The following UVSSA variants were observed in gnomAD, a reference collection of about 807,000 sequenced individuals.
UVSSA encodes the protein UV stimulated scaffold protein A.
In UVSSA, 72 loss-of-function variants were observed where a neutral mutation model predicts 73.9. That is an observed-to-expected ratio of 0.97 (90% CI 0.81 to 1.19). The LOEUF is 1.19. Ranked by LOEUF, UVSSA falls within the 50% of genes most tolerant of loss-of-function variation. The pLI, the probability that UVSSA is intolerant of heterozygous loss-of-function variation, is 0.00. For missense variants in UVSSA, 1,150 were observed against 965.0 expected (o/e 1.19, Z -2.54); for synonymous variants, 454 against 391.3 (o/e 1.16, Z -1.89).
In UVSSA at chr4:1,394,395, TG is replaced by T. The variant is rs1720471574; in HGVS notation, c.*8437del. 7 of 1,503,688 alleles carry T rather than the reference TG, an allele frequency of 4.7e-6. No homozygotes were observed. The South Asian group carries it at 8.7e-5, about 19-fold the overall frequency. The allele number at this position is 1,503,688 out of a possible 1,614,324, so 93.1% of individuals were successfully genotyped here. On this transcript the variant is annotated 3_prime_UTR_variant, in exon 14 of 14. Transcript: ENST00000511216. ...TCCATGTTTTCTTCTAGTACTTTTA[TG>T]GGTTTCATTTTCATATTGAAATCAT...
intron 8 of UVSSA, 94 bp downstream of exon 8, chr4:1,366,525 G>A (rs1163822014): frequency 5.6e-6 from 5 of 888,636 alleles, no homozygotes; most frequent in East Asian, 2.6e-5. Flanking sequence ...GGCAGGGCCT[G>A]GAGCCCATCT....
rs752339271 is a variant in UVSSA at position 1,394,646 on chromosome 4, C to T, written c.*8685C>T. ...CATGTCGATGCGGAGTGCCCGCCTG[C>T]TCACACATGCCCATGTGGAGTGCCC... is the stretch of plus-strand genomic sequence containing the variant. On this transcript the variant is annotated 3_prime_UTR_variant, in exon 14 of 14. Coordinates refer to the UVSSA transcript ENST00000511216. The T allele has an allele frequency of 3.8e-5, 58 of 1,518,358 alleles. 1 individual carries two copies. The highest frequency in any genetic ancestry group is 5.1e-5 in the Non-Finnish European group (57 of 1,120,434). 94.1% of individuals were successfully genotyped at this position (1,518,358 alleles called of 1,614,324 possible).
intron 4 of UVSSA, among the ~76,000 whole-genome samples, 159 bp downstream of exon 4, chr4:1,351,994 C>T (rs1025866639): frequency 5.3e-5 from 8 of 152,220 alleles, no homozygotes; most frequent in African/African-American, 9.6e-5. Flanking sequence ...CGTTCTTAGC[C>T]GTAGGCCTCC....
chr4:1,342,091 A>G (rs1028994555), upstream of UVSSA, among the ~76,000 whole-genome samples: 1 of 152,218 alleles, frequency 6.6e-6, no homozygotes, highest in Non-Finnish European at 1.5e-5. Context: ...TCTTGCAGAC[A>G]TTATTTTCAT....
chr4:1,370,865 A>G (rs531628058), intron 8 of UVSSA, among the ~76,000 whole-genome samples: 2 of 152,352 alleles, frequency 1.3e-5, no homozygotes, highest in East Asian at 3.9e-4. Flanking sequence ...CCTCCTCTGC[A>G]ACTCAGGGAC....
At chr4:1,394,342 C>A in exon 14 of UVSSA, 1 of 1,182,588 alleles carries the variant, frequency 8.5e-7, no homozygotes. Context: ...AATGCTCTTC[C>A]CCCTTAAAGA....
intron 10 of UVSSA, 146 bp from the exon 11 acceptor site, chr4:1,379,901 T>A: frequency 1.1e-6 from 1 of 873,598 alleles, no homozygotes; most frequent in Non-Finnish European, 1.6e-6. Flanking sequence ...CAGCCGGGAG[T>A]GACCGTGTTC....
chr4:1,342,856 G>T (rs776857480), upstream of UVSSA, among the ~76,000 whole-genome samples: 1 of 152,008 alleles, frequency 6.6e-6, no homozygotes. Flanking sequence ...GTCTATCCTT[G>T]TCCTAACACC....
intron 12 of UVSSA, among the ~76,000 whole-genome samples, chr4:1,382,305 A>C (rs763114262): frequency 2.0e-5 from 3 of 152,234 alleles, no homozygotes; most frequent in Non-Finnish European, 4.4e-5. Context: ...CTTGTTAACA[A>C]ACAGGTATCA....
chr4:1,360,260 T>C lies in UVSSA; in HGVS notation c.1176+5015T>C, dbSNP rs555132617. Reference sequence around the variant, plus strand: ...GAACATCTTAGGCCCAGCCAGGGCCTTGTGCCAGCCCTCCCTCCCACACCG... The same window carrying C: ...GAACATCTTAGGCCCAGCCAGGGCCCTGTGCCAGCCCTCCCTCCCACACCG... On this transcript the variant is annotated intron_variant, in intron 7 of 13. Transcript: ENST00000389851. 2.0e-5 allele frequency among the ~76,000 whole-genome samples: 3 copies of C among 152,316 alleles called. No individual in the cohort carries two copies. In the East Asian group the frequency reaches 5.8e-4, roughly 29 times the overall value.
At chr4:1,390,277 C>G (rs1211215403), downstream of UVSSA, 2 of 151,980 alleles carry the variant, frequency 1.3e-5, no homozygotes, top group Non-Finnish European at 2.9e-5. Flanking sequence ...GTGAATTTCC[C>G]AGGTTTCCTT....
In UVSSA at chr4:1,375,462, C is replaced by G. The variant is rs138697244; in HGVS notation, c.1387C>G (p.Gln463Glu). ...EVSDPTSAAA[Q>E]LRQLRDHLPP... ...GTCGGACCCCACCTCTGCGGCTGCT[C>G]AGCTGCGGCAGCTCCGGGACCACTT... The change falls in exon 9 of 14, where the codon CAG becomes GAG. Residue 463 changes from glutamine to glutamate, a missense_variant. Gln to Glu is a conservative substitution (Grantham distance 29). Transcript: ENST00000389851. 2.5e-6 allele frequency: 4 copies of G among 1,612,604 alleles called. No homozygotes were observed. The highest frequency in any genetic ancestry group is 1.7e-5 in the Admixed American group (1 of 60,006).
At position 1,380,117 on chromosome 4, in the gene UVSSA, G is replaced by T. The variant is rs190971132; in HGVS notation, c.1639G>T (p.Glu547Ter). Reference protein sequence around the residue: ...EEEVVNADISEMLRSRHITFA... With the variant: ...EEEVVNADIS Reference sequence around the variant, plus strand: ...GGAAGTGGTCAATGCCGACATCTCCGAGATGCTCCGGAGCCGCCACATCAC... The same window carrying T: ...GGAAGTGGTCAATGCCGACATCTCCTAGATGCTCCGGAGCCGCCACATCAC... Residue 547 changes from glutamate to a stop codon, truncating the protein, a stop_gained, in exon 11 of 14, where the codon GAG becomes TAG. Transcript: ENST00000389851. LOFTEE classifies it high-confidence loss of function. 1 of 1,612,934 alleles carries T rather than the reference G, an allele frequency of 6.2e-7. No homozygotes were observed. Among genetic ancestry groups the T allele is most frequent in the African/African-American group, 1.3e-5 (1 of 75,072 alleles).
intron 10 of UVSSA, among the ~76,000 whole-genome samples, chr4:1,378,798 G>A (rs1357002670): frequency 2.0e-5 from 3 of 152,282 alleles, no homozygotes; most frequent in African/African-American, 7.2e-5. Context: ...CGGGGGAGCC[G>A]CATGTACCTC....
At chr4:1,391,962 A>G (rs1720423640), downstream of UVSSA, 3 of 152,214 alleles carry the variant, frequency 2.0e-5, no homozygotes, top group Admixed American at 2.0e-4. Context: ...TGTATCTGCC[A>G]TTTCTAAATT....
intron 7 of UVSSA, among the ~76,000 whole-genome samples, chr4:1,361,652 A>G (rs1404395954): frequency 6.6e-6 from 1 of 152,212 alleles, no homozygotes; most frequent in Non-Finnish European, 1.5e-5. Context: ...TGCACATGAG[A>G]TATTGGCCTG....
At chr4:1,363,735 C>T (rs1353066664) in intron 7 of UVSSA, among the ~76,000 whole-genome samples, 1 of 152,182 alleles carries the variant, frequency 6.6e-6, no homozygotes, top group Non-Finnish European at 1.5e-5. Flanking sequence ...ATTTGCTCAG[C>T]GCGGGAGTTA....
chr4:1,349,095 G>A (rs1292179252), intron 2 of UVSSA, among the ~76,000 whole-genome samples: 3 of 152,184 alleles, frequency 2.0e-5, no homozygotes, highest in Admixed American at 6.5e-5. Flanking sequence ...TGTGCCGGGC[G>A]GTGTGTGTTG....
chr4:1,377,886 C>T (rs1248373266), intron 10 of UVSSA, among the ~76,000 whole-genome samples: 6 of 152,250 alleles, frequency 3.9e-5, no homozygotes, highest in Non-Finnish European at 7.3e-5. Flanking sequence ...CACATGGCAG[C>T]GGCCCGGGCT....
Sources: allele counts gnomAD v4.1 joint callset (sites outside exome capture counted in the v4.1 genomes callset), GRCh38; gene constraint gnomAD v4.1.1; transcripts MANE v1.5; gene names NCBI Gene and HGNC (gene_info 2026-07-23, HGNC 2026-07-21).